Variants in MTBP observed in about 807,000 individuals in gnomAD.
MTBP encodes the protein MDM2 binding protein.
MTBP carries 101 observed loss-of-function variants against 117.0 expected under a neutral mutation model. The observed-to-expected ratio is 0.86, with a 90% confidence interval of 0.73 to 1.02. The LOEUF is 1.02. MTBP is among the 50% of genes least tolerant of loss of function. The pLI, the probability that MTBP is intolerant of heterozygous loss-of-function variation, is 0.00. For missense variants in MTBP, 970 were observed against 1,030.9 expected (o/e 0.94, Z 0.81); for synonymous variants, 350 against 351.5 (o/e 1.00, Z 0.05).
chr8:120,500,318 C>T (rs1365313149), intron 14 of MTBP, among the ~76,000 whole-genome samples: 5 of 152,030 alleles, frequency 3.3e-5, no homozygotes, highest in Non-Finnish European at 5.9e-5. Context: ...TAAATGATTC[C>T]ACAAAAGACA....
chr8:120,489,044 C>CTTTTTTTTTTTTTTTTTT (rs71306887), intron 12 of MTBP, among the ~76,000 whole-genome samples: 1 of 128,078 alleles, frequency 7.8e-6, no homozygotes, highest in Non-Finnish European at 1.7e-5. Flanking sequence ...AGACTGACTT[C>CTTTTTTTTTTTTTTTTTT]TTTTTTTTTT....
At chr8:120,489,865 T>C (rs1256690485) in intron 12 of MTBP, among the ~76,000 whole-genome samples, 2 of 152,096 alleles carry the variant, frequency 1.3e-5, no homozygotes, top group Non-Finnish European at 2.9e-5. Flanking sequence ...ATGTGACTCA[T>C]TGGGCAACGC....
chr8:120,449,985 G>C (rs1027264223), intron 2 of MTBP, among the ~76,000 whole-genome samples: 3 of 152,166 alleles, frequency 2.0e-5, no homozygotes. Context: ...GTTTATCTTT[G>C]AGGAAGAGCT....
At chr8:120,520,729 T>C (rs762138753) in intron 20 of MTBP, among the ~76,000 whole-genome samples, 1 of 152,088 alleles carries the variant, frequency 6.6e-6, no homozygotes. Context: ...TAACACTGTA[T>C]GCTAGAAGAT....
chr8:120,451,511 A>T, intron 4 of MTBP, 189 bp downstream of exon 4: 1 of 513,240 alleles, frequency 1.9e-6, no homozygotes, highest in Non-Finnish European at 3.4e-6. Flanking sequence ...TCTTAAGCTT[A>T]CATAATGTCA....
chr8:120,485,516 A>T (rs187583930), intron 11 of MTBP, among the ~76,000 whole-genome samples: 1 of 152,216 alleles, frequency 6.6e-6, no homozygotes, highest in Non-Finnish European at 1.5e-5. Flanking sequence ...TTGATGAGAC[A>T]TTGTCATCAT....
At position 120,456,556 on chromosome 8, in the gene MTBP, C is replaced by A. The variant is rs1331743084; in HGVS notation, c.633C>A (p.Asn211Lys). ...ITIAGNHCEI[N>K]CQKIAEYLSA... ...TGTTGTAATCTTTTTTTTATAGAAA[C>A]TGTCAGAAAATTGCAGAATACCTTT... is the stretch of plus-strand genomic sequence containing the variant. Residue 211 changes from asparagine to lysine, a missense_variant, in exon 7 of 22, where the codon AAC becomes AAA. Transcript: ENST00000305949. The A allele has an allele frequency of 3.4e-6, 5 of 1,475,008 alleles. No homozygotes were observed. Among genetic ancestry groups the A allele is most frequent in the Non-Finnish European group, 4.7e-6 (5 of 1,068,686 alleles). The allele number at this position is 1,475,008 out of a possible 1,614,324, so 91.4% of individuals were successfully genotyped here. A position where few individuals can be genotyped will look rare whatever the true frequency, so the allele number is the denominator to read the frequency against.
chr8:120,474,582 T>C (rs1261377540), intron 11 of MTBP, among the ~76,000 whole-genome samples: 2 of 152,066 alleles, frequency 1.3e-5, no homozygotes, highest in Non-Finnish European at 2.9e-5. Context: ...TTGCCACATA[T>C]ATTCCAGAAT....
Position 120,470,955 on chromosome 8 carries a change from C to T in MTBP, c.1165+18C>T, listed in dbSNP as rs374604415. 6.7e-6 allele frequency: 10 copies of T among 1,501,880 alleles called. No homozygotes were observed. Among genetic ancestry groups the T allele is most frequent in the African/African-American group, 5.5e-5 (4 of 72,388 alleles). 93.0% of individuals were successfully genotyped at this position (1,501,880 alleles called of 1,614,324 possible). The stretch of plus-strand genomic sequence containing the variant: ...AATCAGTGGTAAGTATTACATGTTT[C>T]GGTTGTTTTAATGATGCAGCATAGT... On this transcript the variant is annotated intron_variant, in intron 11 of 21. Coordinates refer to ENST00000305949, the MANE Select transcript of MTBP (RefSeq NM_022045.5).
At chr8:120,495,257 A>G (rs569406544) in intron 13 of MTBP, among the ~76,000 whole-genome samples, 1 of 152,192 alleles carries the variant, frequency 6.6e-6, no homozygotes, top group East Asian at 1.9e-4. Context: ...ATACTACTTC[A>G]TTGTCTTCTG....
chr8:120,471,977 C>G (rs1813825730), intron 11 of MTBP: 1 of 152,124 alleles, frequency 6.6e-6, no homozygotes, highest in African/African-American at 2.4e-5. Flanking sequence ...AATTGCTTTC[C>G]CAAAGTCACA....
intron 20 of MTBP, 51 bp downstream of exon 20, chr8:120,518,868 C>A: frequency 8.0e-7 from 1 of 1,249,466 alleles, no homozygotes; most frequent in Non-Finnish European, 1.1e-6. Context: ...TTCTAATGTT[C>A]CTGTTTGACA....
At chr8:120,476,071 G>A (rs1206303791) in intron 11 of MTBP, among the ~76,000 whole-genome samples, 1 of 151,964 alleles carries the variant, frequency 6.6e-6, no homozygotes, top group Non-Finnish European at 1.5e-5. Flanking sequence ...TAATGTCACA[G>A]GGTGGAATTA....
chr8:120,506,960 A>G, intron 16 of MTBP, 99 bp downstream of exon 16: 1 of 1,040,374 alleles, frequency 9.6e-7, no homozygotes, highest in South Asian at 2.1e-5. Context: ...TATGCTACTC[A>G]GGGAAAATTT....
intron 9 of MTBP, among the ~76,000 whole-genome samples, chr8:120,462,721 A>G (rs904077380): frequency 6.6e-6 from 1 of 152,122 alleles, no homozygotes; most frequent in African/African-American, 2.4e-5. Context: ...TCTTAGACCA[A>G]TGGTTTTCAA....
chr8:120,518,801 C>CT lies in MTBP; in HGVS notation c.2595dup (p.Lys866Ter). 6.2e-7 allele frequency: 1 copy of CT among 1,610,188 alleles called. No individual in the cohort carries two copies. Reference sequence around the variant, plus strand: ...TGCAGCCAGCGTCTCTTTGAAATCTCTAAGTTCTATCTAAAGGTACGGTAT... The same window carrying CT: ...TGCAGCCAGCGTCTCTTTGAAATCTCTTAAGTTCTATCTAAAGGTACGGTAT... On this transcript the variant is annotated frameshift_variant, in exon 20 of 22. Transcript: ENST00000305949. LOFTEE classifies it high-confidence loss of function.
At chr8:120,455,837 A>G (rs1041514397) in intron 6 of MTBP, among the ~76,000 whole-genome samples, 2 of 152,122 alleles carry the variant, frequency 1.3e-5, no homozygotes, top group African/African-American at 4.8e-5. Context: ...GATTAATTCT[A>G]TAAGCACACT....
intron 14 of MTBP, among the ~76,000 whole-genome samples, chr8:120,500,726 GT>G (rs1412614852): frequency 6.6e-6 from 1 of 152,176 alleles, no homozygotes; most frequent in Non-Finnish European, 1.5e-5. Flanking sequence ...ATAAGATGCA[GT>G]TTGCATTAAT....
chr8:120,505,701 T>A (rs1029175708), intron 15 of MTBP, among the ~76,000 whole-genome samples: 8 of 152,196 alleles, frequency 5.3e-5, no homozygotes, highest in African/African-American at 9.6e-5. Context: ...TTGAAATATT[T>A]TATTTATGCT....
Sources: gnomAD v4.1 joint callset for allele counts (sites outside exome capture counted in the v4.1 genomes callset) on GRCh38, gnomAD v4.1.1 for gene constraint, MANE v1.5 for transcripts, NCBI Gene and HGNC (gene_info 2026-07-23, HGNC 2026-07-21) for gene names.